Variants in CSMD1 observed in about 807,000 individuals in gnomAD.
CSMD1 encodes the protein CUB and sushi domain-containing protein 1.
In CSMD1, 213 loss-of-function variants were observed where a neutral mutation model predicts 417.5. The ratio of observed to expected loss-of-function variants is 0.51; its 90% CI spans 0.46 to 0.57. The LOEUF is 0.57. Among genes scored for constraint, CSMD1 ranks in the 20% least tolerant of loss-of-function variants. The pLI is 0.00. For missense variants in CSMD1, 6,923 were observed against 4,529.7 expected (o/e 1.53, Z -15.17); for synonymous variants, 2,862 against 1,736.8 (o/e 1.65, Z -16.11).
intron 25 of CSMD1, among the ~76,000 whole-genome samples, chr8:3,294,634 A>G (rs1803827773): frequency 6.6e-6 from 1 of 152,134 alleles, no homozygotes; most frequent in African/African-American, 2.4e-5. Context: ...ACGGGATATA[A>G]TCTCCTGGTG....
At chr8:4,847,019 A>C (rs11136782) in intron 1 of CSMD1, among the ~76,000 whole-genome samples, 2 of 151,994 alleles carry the variant, frequency 1.3e-5, no homozygotes, top group Non-Finnish European at 2.9e-5. Flanking sequence ...TAGAAGAAAC[A>C]ACTTGTGTTT....
intron 2 of CSMD1, among the ~76,000 whole-genome samples, chr8:4,636,303 T>C (rs1802807855): frequency 6.6e-6 from 1 of 152,150 alleles, no homozygotes; most frequent in African/African-American, 2.4e-5. Flanking sequence ...TTTTTCTTGT[T>C]GACAATTGAA....
Position 4,313,737 on chromosome 8 carries a change from C to T in CSMD1, c.415+106216G>A, listed in dbSNP as rs183913532. Among the ~76,000 whole-genome samples the T allele has an allele frequency of 7.2e-5, 11 of 152,110 alleles. No homozygotes were observed. In the East Asian group the frequency reaches 1.4e-3, roughly 19 times the overall value. On this transcript the variant is annotated intron_variant, in intron 3 of 69. Coordinates refer to ENST00000635120, the MANE Select transcript of CSMD1 (RefSeq NM_033225.6). ...TGACTTAAAAAAAGCAGAACTAGGC[C>T]GGGCACAGTGGCTCACACCTGTAAT...
intron 25 of CSMD1, among the ~76,000 whole-genome samples, chr8:3,304,418 C>A (rs533992874): frequency 6.6e-6 from 1 of 151,996 alleles, no homozygotes; most frequent in East Asian, 1.9e-4. Flanking sequence ...ATATTATGTA[C>A]TTCTAATTAT....
intron 23 of CSMD1, among the ~76,000 whole-genome samples, chr8:3,315,531 T>A (rs1584985904): frequency 2.0e-5 from 3 of 151,996 alleles, no homozygotes. Context: ...TCAAATTGAG[T>A]CCTCTTGTTA....
intron 3 of CSMD1, among the ~76,000 whole-genome samples, chr8:4,056,016 C>A (rs1221290742): frequency 6.6e-6 from 1 of 150,748 alleles, no homozygotes; most frequent in Non-Finnish European, 1.5e-5. Flanking sequence ...GTAGTCTACA[C>A]AGATTTCCTC....
intron 5 of CSMD1, among the ~76,000 whole-genome samples, chr8:3,818,511 C>A (rs750041201): frequency 1.2e-4 from 19 of 152,084 alleles, no homozygotes; most frequent in Non-Finnish European, 2.6e-4. Context: ...GATACAACTG[C>A]AGATTAGACC....
At chr8:3,742,384 T>C (rs1796850546) in intron 6 of CSMD1, among the ~76,000 whole-genome samples, 1 of 152,196 alleles carries the variant, frequency 6.6e-6, no homozygotes, top group South Asian at 2.1e-4. Flanking sequence ...TTTCAAGAAC[T>C]ATAAGTAAAA....
chr8:4,608,551 A>T lies in CSMD1; in HGVS notation c.302+28791T>A, dbSNP rs191849571. Among the ~76,000 whole-genome samples the T allele has an allele frequency of 8.5e-4, 129 of 152,352 alleles. 1 individual carries two copies. Among genetic ancestry groups the T allele is most frequent in the African/African-American group, 3.0e-3 (123 of 41,586 alleles). ...AAGAGACGCCAGTACTGTCATTAAC[A>T]ATTATTCTGCTCCATCGTCAAGATA... On this transcript the variant is annotated intron_variant, in intron 2 of 69. Transcript: ENST00000635120.
chr8:4,502,276 T>G (rs981819418), intron 2 of CSMD1, among the ~76,000 whole-genome samples: 5 of 152,102 alleles, frequency 3.3e-5, no homozygotes, highest in Admixed American at 1.3e-4. Flanking sequence ...CACTCGCATA[T>G]CATTTTAGAT....
intron 7 of CSMD1, among the ~76,000 whole-genome samples, chr8:3,674,360 A>G (rs1799256900): frequency 6.6e-6 from 1 of 152,168 alleles, no homozygotes; most frequent in Non-Finnish European, 1.5e-5. Flanking sequence ...TTAACAAATT[A>G]TCATCACGAG....
chr8:3,866,326 T>C (rs1805101236), intron 5 of CSMD1, among the ~76,000 whole-genome samples: 1 of 152,186 alleles, frequency 6.6e-6, no homozygotes, highest in Non-Finnish European at 1.5e-5. Flanking sequence ...GGCTGAACCC[T>C]GGGGATTGGC....
chr8:3,311,006 A>G (rs1046542275), intron 23 of CSMD1, among the ~76,000 whole-genome samples: 1 of 152,226 alleles, frequency 6.6e-6, no homozygotes, highest in Non-Finnish European at 1.5e-5. Flanking sequence ...ATGCCTACAC[A>G]GGCTGCTCAA....
intron 5 of CSMD1, among the ~76,000 whole-genome samples, chr8:3,866,551 C>A (rs944164599): frequency 6.6e-6 from 1 of 152,134 alleles, no homozygotes; most frequent in African/African-American, 2.4e-5. Flanking sequence ...CTTTAAATGA[C>A]CTTTTTAGTT....
chr8:4,733,588 T>A (rs541371385), intron 1 of CSMD1, among the ~76,000 whole-genome samples: 15 of 152,316 alleles, frequency 9.8e-5, no homozygotes, highest in Admixed American at 8.5e-4. Flanking sequence ...GTTAAATAAC[T>A]TACATGTTTC....
At chr8:4,852,997 T>C (rs1801573826) in intron 1 of CSMD1, among the ~76,000 whole-genome samples, 1 of 152,158 alleles carries the variant, frequency 6.6e-6, no homozygotes, top group Non-Finnish European at 1.5e-5. Context: ...CAGTCTACAC[T>C]CAGATGCAGG....
chr8:4,005,930 GCAT>G (rs1816075470), intron 4 of CSMD1, among the ~76,000 whole-genome samples: 1 of 152,112 alleles, frequency 6.6e-6, no homozygotes, highest in Non-Finnish European at 1.5e-5. Flanking sequence ...GCAGAACCAT[GCAT>G]TTATGTTAAT....
At position 4,146,812 on chromosome 8, in the gene CSMD1, G is replaced by A. The variant is rs1248346354; in HGVS notation, c.416-114713C>T. The stretch of plus-strand genomic sequence containing the variant: ...ATTTTTAGTAGAGACGAGTTTCACC[G>A]TGTTAGGCAGGATAGTCTCGATCTC... On this transcript the variant is annotated intron_variant, in intron 3 of 69. Transcript: ENST00000635120. 7.4e-5 allele frequency among the ~76,000 whole-genome samples: 11 copies of A among 149,224 alleles called. 1 individual carries two copies. The highest frequency in any genetic ancestry group is 2.3e-4 in the African/African-American group (9 of 39,178).
chr8:4,764,235 A>G (rs1812299830), intron 1 of CSMD1, among the ~76,000 whole-genome samples: 1 of 152,224 alleles, frequency 6.6e-6, no homozygotes, highest in South Asian at 2.1e-4. Context: ...AGACAGTCGT[A>G]TTGTACAGAG....
Sources: gnomAD v4.1 joint callset for allele counts (sites outside exome capture counted in the v4.1 genomes callset) on GRCh38, gnomAD v4.1.1 for gene constraint, MANE v1.5 for transcripts, NCBI Gene and HGNC (gene_info 2026-07-23, HGNC 2026-07-21) for gene names.